The following CDH6 variants were observed in gnomAD, a reference collection of about 807,000 sequenced individuals.
The protein encoded by CDH6 is cadherin-6.
CDH6 carries 31 observed loss-of-function variants against 78.0 expected under a neutral mutation model. That is an observed-to-expected ratio of 0.40 (90% CI 0.30 to 0.54). CDH6 has a LOEUF of 0.54. CDH6 is among the 20% of genes least tolerant of loss of function. The probability of loss-of-function intolerance (pLI) is 0.56; values close to 1 mark genes in which losing one functional copy is unlikely to be tolerated. For synonymous variants in CDH6, 376 were observed against 368.8 expected (o/e 1.02, Z -0.23); for missense variants, 724 against 975.9 (o/e 0.74, Z 3.44).
intron 1 of CDH6, among the ~76,000 whole-genome samples, chr5:31,219,942 C>G (rs1344998743): frequency 1.3e-5 from 2 of 152,250 alleles, no homozygotes; most frequent in East Asian, 3.9e-4. Context: ...AAGTTGTTCC[C>G]CTCTTAATTT....
rs991143136 is a variant in CDH6 at position 31,283,415 on chromosome 5, C to T, written c.229-10547C>T. ...GGACTCAAATCTTGCTCTTATTCAT[C>T]GTGCCATGCTGAGAAGTGATTTACC... On this transcript the variant is annotated intron_variant, in intron 2 of 11. Coordinates refer to ENST00000265071, the MANE Select transcript of CDH6 (RefSeq NM_004932.4). Among the ~76,000 whole-genome samples, 14 of 152,248 alleles carry T rather than the reference C, an allele frequency of 9.2e-5. No individual in the cohort carries two copies. In the South Asian group the frequency reaches 2.5e-3, roughly 27 times the overall value.
chr5:31,194,721 G>T (rs1216107161), intron 1 of CDH6, among the ~76,000 whole-genome samples: 2 of 152,098 alleles, frequency 1.3e-5, no homozygotes, highest in Non-Finnish European at 2.9e-5. Flanking sequence ...GTTGGAGTGC[G>T]CTTGGTTTTC....
At chr5:31,194,086 T>A (rs1239381799) in intron 1 of CDH6, among the ~76,000 whole-genome samples, 200 bp downstream of exon 1, 1 of 151,848 alleles carries the variant, frequency 6.6e-6, no homozygotes, top group Non-Finnish European at 1.5e-5. Flanking sequence ...CTGCTGCCGC[T>A]GCTCAGGACC....
At chr5:31,278,501 A>G (rs1742763877) in intron 2 of CDH6, among the ~76,000 whole-genome samples, 1 of 152,228 alleles carries the variant, frequency 6.6e-6, no homozygotes, top group Non-Finnish European at 1.5e-5. Context: ...TCTCAGTAGA[A>G]GAAAGTTTGA....
chr5:31,209,134 AG>A (rs1740621177), intron 1 of CDH6, among the ~76,000 whole-genome samples: 1 of 152,220 alleles, frequency 6.6e-6, no homozygotes, highest in African/African-American at 2.4e-5. Flanking sequence ...ACTAATCAAT[AG>A]AATAGAAATT....
intron 1 of CDH6, among the ~76,000 whole-genome samples, chr5:31,195,583 C>A (rs1375868969): frequency 6.6e-6 from 1 of 152,118 alleles, no homozygotes; most frequent in Non-Finnish European, 1.5e-5. Context: ...TTTTAGAGAA[C>A]CGTAAAACCA....
chr5:31,216,216 T>C (rs1384173756), intron 1 of CDH6, among the ~76,000 whole-genome samples: 1 of 152,090 alleles, frequency 6.6e-6, no homozygotes, highest in Non-Finnish European at 1.5e-5. Context: ...TGCAATCTAA[T>C]GCTTATTTTG....
chr5:31,270,615 T>A (rs1742500923), intron 2 of CDH6, among the ~76,000 whole-genome samples: 1 of 152,224 alleles, frequency 6.6e-6, no homozygotes, highest in South Asian at 2.1e-4. Flanking sequence ...GTGAATTACC[T>A]TGAGCTAGTA....
intron 1 of CDH6, among the ~76,000 whole-genome samples, chr5:31,232,496 T>C (rs933763328): frequency 3.9e-5 from 6 of 152,180 alleles, no homozygotes; most frequent in African/African-American, 1.4e-4. Flanking sequence ...ATACGTTTAA[T>C]GCACCCTTAA....
chr5:31,230,029 C>T (rs1245623486), intron 1 of CDH6, among the ~76,000 whole-genome samples: 1 of 152,146 alleles, frequency 6.6e-6, no homozygotes, highest in Admixed American at 6.5e-5. Context: ...TTTCTGCTGC[C>T]ACTGTGGCGT....
chr5:31,267,233 T>C, intron 1 of CDH6, 113 bp from the exon 2 acceptor site: 1 of 486,098 alleles, frequency 2.1e-6, no homozygotes, highest in Admixed American at 3.4e-5. Context: ...ATAGCCAACT[T>C]TTTTTGTTGT....
At chr5:31,217,128 T>G (rs1214329420) in intron 1 of CDH6, among the ~76,000 whole-genome samples, 1 of 152,180 alleles carries the variant, frequency 6.6e-6, no homozygotes, top group East Asian at 1.9e-4. Context: ...CTATGTTCTG[T>G]GTGTTGAATA....
Position 31,324,256 on chromosome 5 carries a change from A to AT in CDH6, c.*948_*949insT, listed in dbSNP as rs1692147824. 1.4e-5 allele frequency: 3 copies of AT among 211,304 alleles called. No individual in the cohort carries two copies. The highest frequency in any genetic ancestry group is 2.9e-5 in the Non-Finnish European group (3 of 104,310). 13.1% of individuals were successfully genotyped at this position (211,304 alleles called of 1,614,324 possible). ...ATTCTACTATACTGTACATGAAAGT[A>AT]GCAGTGTGAAGTACAATAATTCATA... is the stretch of plus-strand genomic sequence containing the variant. On this transcript the variant is annotated 3_prime_UTR_variant, in exon 12 of 12. Transcript: ENST00000265071.
chr5:31,297,594 C>A (rs1351196278), intron 4 of CDH6, among the ~76,000 whole-genome samples, 186 bp downstream of exon 4: 3 of 152,182 alleles, frequency 2.0e-5, no homozygotes, highest in African/African-American at 7.2e-5. Context: ...GGCAATGAAT[C>A]TTTCACCCAC....
intron 2 of CDH6, among the ~76,000 whole-genome samples, chr5:31,274,030 T>C (rs1742614511): frequency 6.6e-6 from 1 of 152,216 alleles, no homozygotes; most frequent in African/African-American, 2.4e-5. Context: ...ACATCTCTCG[T>C]CTTCATCATT....
chr5:31,297,226 G>A (rs1347166059), intron 3 of CDH6, 63 bp from the exon 4 acceptor site: 6 of 1,403,346 alleles, frequency 4.3e-6, no homozygotes, highest in African/African-American at 1.4e-5. Context: ...GCTGGTTTTG[G>A]TGTGTGTCAA....
rs935209579 is a variant in CDH6 at position 31,294,796 on chromosome 5, G to T, written c.523+540G>T. 6.6e-5 allele frequency among the ~76,000 whole-genome samples: 10 copies of T among 152,088 alleles called. No individual in the cohort carries two copies. Among genetic ancestry groups the T allele is most frequent in the African/African-American group, 2.4e-4 (10 of 41,422 alleles). ...CTTTACTACATGGTGGAAATGAAAA[G>T]ACTTTCATAACATACATAGAGTGAA... On this transcript the variant is annotated intron_variant, in intron 3 of 11. Coordinates refer to ENST00000265071, the MANE Select transcript of CDH6 (RefSeq NM_004932.4). The surrounding 1 kb of genome is among the most constrained non-coding windows in gnomAD (Gnocchi z 4.1).
Position 31,321,213 on chromosome 5 carries a change from C to T in CDH6, c.1883-1605C>T, listed in dbSNP as rs1199114679. ...TGTACCTGGTACAGGGTAGGCACTA[C>T]ATAAATATTATCAAATGCGTGAATG... On this transcript the variant is annotated intron_variant, in intron 11 of 11. Transcript: ENST00000265071. Among the ~76,000 whole-genome samples, 16 of 135,704 alleles carry T rather than the reference C, an allele frequency of 1.2e-4. No individual in the cohort carries two copies. The Admixed American group carries it at 1.3e-3, about 11-fold the overall frequency. The allele number at this position is 135,704 out of a possible 152,430, so 89.0% of individuals were successfully genotyped here. A position where few individuals can be genotyped will look rare whatever the true frequency, so the allele number is the denominator to read the frequency against.
chr5:31,320,706 G>A (rs1218592924), intron 11 of CDH6, among the ~76,000 whole-genome samples: 2 of 152,148 alleles, frequency 1.3e-5, no homozygotes, highest in African/African-American at 4.8e-5. Flanking sequence ...GGCTGGGCAT[G>A]GTGGTTCACG....
Sources: allele counts gnomAD v4.1 joint callset (sites outside exome capture counted in the v4.1 genomes callset), GRCh38; gene constraint gnomAD v4.1.1; non-coding constraint Gnocchi (gnomAD v3.1); transcripts MANE v1.5; gene names NCBI Gene and HGNC (gene_info 2026-07-23, HGNC 2026-07-21).